Variants in CDH10 observed in about 807,000 individuals in gnomAD.
CDH10 encodes cadherin 10.
A neutral mutation model predicts 73.1 loss-of-function variants in CDH10; 30 were observed. The ratio of observed to expected loss-of-function variants is 0.41; its 90% CI spans 0.31 to 0.56. The LOEUF (loss-of-function observed/expected upper bound fraction) is 0.56. Among genes scored for constraint, CDH10 ranks in the 20% least tolerant of loss-of-function variants. CDH10 has a pLI of 0.27. For synonymous variants in CDH10, 345 were observed against 348.2 expected (o/e 0.99, Z 0.10); for missense variants, 815 against 973.7 (o/e 0.84, Z 2.17).
chr5:24,544,901 T>G lies in CDH10; in HGVS notation c.232-7227A>C, dbSNP rs1744285871. Among the ~76,000 whole-genome samples the G allele has an allele frequency of 3.3e-5, 5 of 152,284 alleles. No individual in the cohort carries two copies. In the South Asian group the frequency reaches 1.0e-3, roughly 32 times the overall value. On this transcript the variant is annotated intron_variant, in intron 2 of 11. Coordinates refer to ENST00000264463, the MANE Select transcript of CDH10 (RefSeq NM_006727.5). ...TTAAGATTACACTAAAGGCATTTAT[T>G]TATTTCAGAAACACACTTTCACAGG... is the stretch of plus-strand genomic sequence containing the variant.
At chr5:24,491,487 T>G (rs2111634099) in intron 11 of CDH10, 89 bp downstream of exon 11, 4 of 1,163,268 alleles carry the variant, frequency 3.4e-6, no homozygotes, top group Non-Finnish European at 4.9e-6. Context: ...TTTGGGGTGG[T>G]TTTGGGGGAG....
At chr5:24,612,828 G>T (rs574963417) in intron 1 of CDH10, 1 of 152,222 alleles carries the variant, frequency 6.6e-6, no homozygotes, top group Non-Finnish European at 1.5e-5. Context: ...GAAATGTAAG[G>T]CAGTTTTTCA....
At chr5:24,560,120 T>C (rs1443164924) in intron 2 of CDH10, among the ~76,000 whole-genome samples, 1 of 152,148 alleles carries the variant, frequency 6.6e-6, no homozygotes, top group Non-Finnish European at 1.5e-5. Context: ...GATGCTCAAC[T>C]TAAAGTGAGA....
chr5:24,633,319 C>CA, intron 1 of CDH10, among the ~76,000 whole-genome samples: 1 of 151,774 alleles, frequency 6.6e-6, no homozygotes, highest in South Asian at 2.1e-4. Context: ...AAAACCCAGT[C>CA]AAAGAGGCTT....
chr5:24,516,858 G>A (rs562465344), intron 5 of CDH10, among the ~76,000 whole-genome samples: 22 of 150,716 alleles, frequency 1.5e-4, no homozygotes, highest in African/African-American at 4.9e-4. Context: ...GCTTGAGAAA[G>A]AACCATAATT....
chr5:24,533,501 A>C (rs1171971124), intron 5 of CDH10, among the ~76,000 whole-genome samples: 1 of 152,038 alleles, frequency 6.6e-6, no homozygotes, highest in African/African-American at 2.4e-5. Flanking sequence ...ACATGTGTAT[A>C]TATATTCCTG....
chr5:24,544,287 T>C (rs990017351), intron 2 of CDH10, among the ~76,000 whole-genome samples: 1 of 152,122 alleles, frequency 6.6e-6, no homozygotes, highest in Non-Finnish European at 1.5e-5. Flanking sequence ...TGCAAGACTC[T>C]GTCTCAGCAA....
intron 2 of CDH10, among the ~76,000 whole-genome samples, chr5:24,560,203 TGTGTGTG>T (rs1744907888): frequency 1.6e-3 from 2 of 1,278 alleles, no homozygotes; most frequent in East Asian, 0.013. Context: ...TTTGCAATTG[TGTGTGTG>T]TGTGTGTGTG....
chr5:24,637,644 A>G (rs1239364011), intron 1 of CDH10, among the ~76,000 whole-genome samples: 1 of 151,942 alleles, frequency 6.6e-6, no homozygotes, highest in African/African-American at 2.4e-5. Context: ...ATAATTGAGC[A>G]AATTATTGTA....
chr5:24,516,534 C>T (rs943176592), intron 5 of CDH10, among the ~76,000 whole-genome samples: 2 of 151,958 alleles, frequency 1.3e-5, no homozygotes, highest in Non-Finnish European at 2.9e-5. Flanking sequence ...GGAAAAGCTG[C>T]CCCTTCTCTC....
chr5:24,623,071 C>T (rs186807532), intron 1 of CDH10, among the ~76,000 whole-genome samples: 150 of 152,040 alleles, frequency 9.9e-4, no homozygotes, highest in East Asian at 8.0e-3. Context: ...GCTATGCCTC[C>T]GCCAGAAATG....
intron 1 of CDH10, among the ~76,000 whole-genome samples, chr5:24,613,916 T>C (rs1258444795): frequency 1.3e-5 from 2 of 152,154 alleles, no homozygotes; most frequent in Non-Finnish European, 2.9e-5. Context: ...GAAGCATTCA[T>C]TTAAGAATGG....
intron 1 of CDH10, among the ~76,000 whole-genome samples, chr5:24,618,870 T>G (rs1007185562): frequency 6.6e-6 from 1 of 152,204 alleles, no homozygotes; most frequent in Non-Finnish European, 1.5e-5. Context: ...CCTAGAGGCA[T>G]TGTATATTAT....
intron 1 of CDH10, among the ~76,000 whole-genome samples, chr5:24,600,924 A>G (rs924023304): frequency 6.6e-6 from 1 of 152,106 alleles, no homozygotes; most frequent in African/African-American, 2.4e-5. Context: ...AATTTTTTCT[A>G]CTGTAGACAG....
At chr5:24,622,452 G>C (rs1014108529) in intron 1 of CDH10, among the ~76,000 whole-genome samples, 1 of 152,164 alleles carries the variant, frequency 6.6e-6, no homozygotes, top group Non-Finnish European at 1.5e-5. Context: ...ATCAGTTTTA[G>C]CAGGCTGCAG....
Position 24,505,141 on chromosome 5 carries a change from T to A in CDH10, c.1364A>T (p.His455Leu), listed in dbSNP as rs2111725693. 1 of 1,612,106 alleles carries A rather than the reference T, an allele frequency of 6.2e-7. No homozygotes were observed. ...KPLDRELSQW[H>L]NLTVIAAEIN... is the part of the protein sequence containing the mutation. Reference sequence around the variant, plus strand: ...TTCAGCAGCAATAACAGTAAGATTATGCCACTGAGATAGTTCACGGTCAAG... The same window carrying A: ...TTCAGCAGCAATAACAGTAAGATTAAGCCACTGAGATAGTTCACGGTCAAG... The change falls in exon 8 of 12, where the codon CAT becomes CTT. Residue 455 changes from histidine (H) to leucine (L), a missense_variant. By Grantham distance (99) the His-to-Leu change is moderately conservative. This residue lies in a region of CDH10 where 516 missense variants were observed against 636.6 expected (regional missense o/e 0.81). Coordinates refer to ENST00000264463, the MANE Select transcript of CDH10 (RefSeq NM_006727.5).
chr5:24,502,554 T>C (rs1742538680), intron 8 of CDH10, among the ~76,000 whole-genome samples: 1 of 152,080 alleles, frequency 6.6e-6, no homozygotes, highest in Non-Finnish European at 1.5e-5. Context: ...ATCCTGGCTG[T>C]TTGTGGTTTG....
At chr5:24,621,638 C>T (rs1488928946) in intron 1 of CDH10, among the ~76,000 whole-genome samples, 1 of 152,164 alleles carries the variant, frequency 6.6e-6, no homozygotes, top group Non-Finnish European at 1.5e-5. Flanking sequence ...GGGAAGCCTT[C>T]CTGAAAGAGT....
chr5:24,504,685 C>T (rs1279716176), intron 8 of CDH10, among the ~76,000 whole-genome samples: 1 of 151,656 alleles, frequency 6.6e-6, no homozygotes, highest in African/African-American at 2.4e-5. Context: ...GCCACCATGC[C>T]CGGCTAATTT....
Sources: gnomAD v4.1 joint callset for allele counts (sites outside exome capture counted in the v4.1 genomes callset) on GRCh38, gnomAD v4.1.1 for gene constraint, gnomAD v4.1.1 regional missense constraint, MANE v1.5 for transcripts, NCBI Gene and HGNC (gene_info 2026-07-23, HGNC 2026-07-21) for gene names.